NOX4: variants seen among roughly 807,000 people sequenced by gnomAD.
NOX4 encodes the protein kidney oxidase-1.
In NOX4, 69 loss-of-function variants were observed where a neutral mutation model predicts 87.6. That is an observed-to-expected ratio of 0.79 (90% CI 0.65 to 0.96). The LOEUF (loss-of-function observed/expected upper bound fraction) is 0.96, where lower values mean the gene tolerates loss of function less well. NOX4 is among the 40% of genes least tolerant of loss of function. The pLI, the probability that NOX4 is intolerant of heterozygous loss-of-function variation, is 0.00. For synonymous variants in NOX4, 275 were observed against 238.2 expected (o/e 1.15, Z -1.42); for missense variants, 680 against 681.5 (o/e 1.00, Z 0.02).
chr11:89,345,168 G>C (rs1946161463), intron 13 of NOX4, among the ~76,000 whole-genome samples: 1 of 152,124 alleles, frequency 6.6e-6, no homozygotes. Flanking sequence ...TTAAAACACA[G>C]AATGCTAGGC....
chr11:89,350,304 C>A (rs571300937), intron 13 of NOX4, among the ~76,000 whole-genome samples: 22 of 152,280 alleles, frequency 1.4e-4, no homozygotes, highest in African/African-American at 4.8e-4. Flanking sequence ...TACATACATA[C>A]ACATATACAT....
intron 15 of NOX4, 150 bp from the exon 16 acceptor site, chr11:89,337,665 A>G: frequency 9.4e-7 from 1 of 1,066,502 alleles, no homozygotes; most frequent in East Asian, 2.7e-5. Flanking sequence ...ACACACATAC[A>G]TACACAGAAA....
chr11:89,478,175 CCT>C lies in NOX4; in HGVS notation c.153+12281_153+12282del, dbSNP rs1384000724. Among the ~76,000 whole-genome samples the C allele has an allele frequency of 1.3e-5, 2 of 151,320 alleles. 1 individual carries two copies. Among genetic ancestry groups the C allele is most frequent in the Non-Finnish European group, 2.9e-5 (2 of 67,912 alleles). On this transcript the variant is annotated intron_variant, in intron 2 of 17. Transcript: ENST00000263317. ...TCTTCCTCACCTTGGTTAATCTTTT[CCT>C]CTCTTTCCCTGCCCCTGTCCCCTGA...
intron 12 of NOX4, among the ~76,000 whole-genome samples, chr11:89,363,167 T>C (rs1479034967): frequency 6.6e-6 from 1 of 151,960 alleles, no homozygotes; most frequent in African/African-American, 2.4e-5. Context: ...GATATGCTGG[T>C]AACAAAAAGC....
the NOX4 span, among the ~76,000 whole-genome samples, chr11:89,517,767 A>T: frequency 6.6e-6 from 1 of 151,898 alleles, no homozygotes; most frequent in East Asian, 1.9e-4. Flanking sequence ...TTTCTTTAAT[A>T]TATACTTTTC....
chr11:89,478,218 T>C (rs1309472469), intron 2 of NOX4, among the ~76,000 whole-genome samples: 1 of 152,126 alleles, frequency 6.6e-6, no homozygotes, highest in East Asian at 1.9e-4. Context: ...AAAAATCTTA[T>C]AAGCGATATA....
chr11:89,515,709 C>T, the NOX4 span, among the ~76,000 whole-genome samples: 1 of 151,792 alleles, frequency 6.6e-6, no homozygotes, highest in African/African-American at 2.4e-5. Context: ...GTCTATGATT[C>T]ATGTCAAATC....
chr11:89,365,410 T>C (rs1938883863), intron 12 of NOX4, among the ~76,000 whole-genome samples: 1 of 151,654 alleles, frequency 6.6e-6, no homozygotes, highest in Non-Finnish European at 1.5e-5. Flanking sequence ...AATTGGCGTT[T>C]ATTGCCACAG....
the NOX4 span, among the ~76,000 whole-genome samples, chr11:89,566,669 A>T: frequency 1.3e-5 from 2 of 152,192 alleles, no homozygotes; most frequent in African/African-American, 4.8e-5. Context: ...AAAACAGACC[A>T]TCATGAAGTC....
the NOX4 span, among the ~76,000 whole-genome samples, chr11:89,582,886 C>T: frequency 6.6e-6 from 1 of 152,138 alleles, no homozygotes; most frequent in Non-Finnish European, 1.5e-5. Context: ...ACTGTCCTTC[C>T]CCTCAGCATC....
chr11:89,542,909 A>T, the NOX4 span, among the ~76,000 whole-genome samples: 2 of 152,220 alleles, frequency 1.3e-5, no homozygotes, highest in Non-Finnish European at 2.9e-5. Context: ...AAGAATGCTA[A>T]CAGCTAACTT....
chr11:89,543,108 A>G, the NOX4 span, among the ~76,000 whole-genome samples: 1 of 152,208 alleles, frequency 6.6e-6, no homozygotes, highest in Non-Finnish European at 1.5e-5. Context: ...AGCAATGTAC[A>G]TTATTTGGGT....
At chr11:89,341,971 A>G (rs1946021991) in intron 14 of NOX4, 103 bp downstream of exon 14, 1 of 1,041,178 alleles carries the variant, frequency 9.6e-7, no homozygotes, top group Non-Finnish European at 1.4e-6. Flanking sequence ...TTGATCAACA[A>G]GTAGAATAAT....
intron 17 of NOX4, among the ~76,000 whole-genome samples, chr11:89,328,001 C>T (rs1474858965): frequency 6.6e-6 from 1 of 152,202 alleles, no homozygotes; most frequent in African/African-American, 2.4e-5. Context: ...CACCGTCACT[C>T]TCTTTGCTTA....
At chr11:89,482,987 G>C (rs961122712) in intron 2 of NOX4, among the ~76,000 whole-genome samples, 7 of 152,052 alleles carry the variant, frequency 4.6e-5, no homozygotes, top group Non-Finnish European at 7.4e-5. Context: ...TTCTCTACTA[G>C]TCAGCTATGT....
At position 89,402,346 on chromosome 11, in the gene NOX4, A is replaced by G. The variant is rs765897496; in HGVS notation, c.826T>C (p.Phe276Leu). Residue 276 changes from phenylalanine (F) to leucine (L), a missense_variant, in exon 9 of 18, where the codon TTC (phenylalanine) becomes CTC (leucine). Physicochemically the swap from Phe to Leu is conservative, Grantham distance 22 (BLOSUM62 0). Transcript: ENST00000263317. ...CTGACCTGTGGAAAATTAGCTTGGA[A>G]TCTGGGCTCTTCCATACAAATCTTC... ...FVKICMEEPR[F>L]QANFPQTWLW... is the part of the protein sequence containing the mutation. 3 of 1,612,976 alleles carry G rather than the reference A, an allele frequency of 1.9e-6. No homozygotes were observed.
the NOX4 span, among the ~76,000 whole-genome samples, chr11:89,503,578 A>G: frequency 6.6e-6 from 1 of 151,814 alleles, no homozygotes; most frequent in Non-Finnish European, 1.5e-5. Context: ...CATGTTAGAG[A>G]GGTATTCTGA....
At chr11:89,531,818 G>T in the NOX4 span, among the ~76,000 whole-genome samples, 1 of 152,234 alleles carries the variant, frequency 6.6e-6, no homozygotes, top group Admixed American at 6.5e-5. Context: ...AGTTTTCTGG[G>T]CCAGACCCAG....
At chr11:89,536,439 C>T in the NOX4 span, among the ~76,000 whole-genome samples, 3 of 152,000 alleles carry the variant, frequency 2.0e-5, no homozygotes, top group Non-Finnish European at 4.4e-5. Context: ...AGCCACCTTG[C>T]CCAGCGATCT....
Sources: gnomAD v4.1 joint callset for allele counts (sites outside exome capture counted in the v4.1 genomes callset) on GRCh38, gnomAD v4.1.1 for gene constraint, MANE v1.5 for transcripts, NCBI Gene and HGNC (gene_info 2026-07-23, HGNC 2026-07-21) for gene names.